ACAP2: variants seen among roughly 807,000 people sequenced by gnomAD.
ACAP2 encodes arf-GAP with coiled-coil, ANK repeat and PH domain-containing protein 2.
ACAP2 carries 39 observed loss-of-function variants against 115.8 expected under a neutral mutation model. The observed-to-expected ratio is 0.34, with a 90% CI of 0.26 to 0.44. The LOEUF (loss-of-function observed/expected upper bound fraction) is 0.44, where lower values mean the gene tolerates loss of function less well. ACAP2 is among the 20% of genes least tolerant of loss of function. The pLI, the probability that ACAP2 is intolerant of heterozygous loss-of-function variation, is 1.00. For synonymous variants in ACAP2, 289 were observed against 315.8 expected (o/e 0.92, Z 0.90); for missense variants, 662 against 927.6 (o/e 0.71, Z 3.72).
chr3:195,399,160 G>GA (rs1407337634), intron 1 of ACAP2, among the ~76,000 whole-genome samples: 1 of 151,726 alleles, frequency 6.6e-6, no homozygotes, highest in Non-Finnish European at 1.5e-5. Flanking sequence ...GTTAAGGGAG[G>GA]AAAAAAATGT....
At chr3:195,303,371 C>T (rs113630603) in intron 13 of ACAP2, among the ~76,000 whole-genome samples, 3,267 of 149,804 alleles carry the variant, frequency 0.022, 115 homozygotes, top group East Asian at 0.11. Context: ...ATCATGCCAC[C>T]GCACTCCAGC....
intron 2 of ACAP2, among the ~76,000 whole-genome samples, chr3:195,384,761 A>G (rs1734181103): frequency 6.6e-6 from 1 of 152,094 alleles, no homozygotes; most frequent in Non-Finnish European, 1.5e-5. Context: ...CGCAAGAGAA[A>G]CTAGTTCAGT....
rs544321355 is a variant in ACAP2 at position 195,364,104 on chromosome 3, G to T, written c.285+16905C>A. ...CAACCAAGGCAAAAGTGGACAAATGGAATCACATCAAGTTAAAAACCTTCT... is the reference window on the plus strand; with the variant it reads ...CAACCAAGGCAAAAGTGGACAAATGTAATCACATCAAGTTAAAAACCTTCT... On this transcript the variant is annotated intron_variant, in intron 4 of 22. Coordinates refer to ENST00000326793, the MANE Select transcript of ACAP2 (RefSeq NM_012287.6). 3.3e-5 allele frequency among the ~76,000 whole-genome samples: 5 copies of T among 152,178 alleles called. No homozygotes were observed. The South Asian group carries it at 1.0e-3, about 32-fold the overall frequency.
Position 195,376,498 on chromosome 3 carries a change from G to A in ACAP2, c.285+4511C>T, listed in dbSNP as rs186467872. On this transcript the variant is annotated intron_variant, in intron 4 of 22. Transcript: ENST00000326793. ...GTGGAAGTTGCAGTGAGCCAAGATC[G>A]CACCACTGCACTCCAGCCTGGGAGA... Among the ~76,000 whole-genome samples, 59 of 151,928 alleles carry A rather than the reference G, an allele frequency of 3.9e-4. No homozygotes were observed. In the Middle Eastern group the frequency reaches 0.017, roughly 44 times the overall value.
intron 13 of ACAP2, among the ~76,000 whole-genome samples, chr3:195,305,940 C>T (rs1374139468): frequency 6.6e-6 from 1 of 151,992 alleles, no homozygotes; most frequent in Admixed American, 6.6e-5. Flanking sequence ...TAACCATACT[C>T]CCAACAATTA....
rs1309318013 is a variant in ACAP2 at position 195,406,866 on chromosome 3, A to T, written c.54-14719T>A. 5.9e-5 allele frequency among the ~76,000 whole-genome samples: 9 copies of T among 152,222 alleles called. No homozygotes were observed. In the East Asian group the frequency reaches 1.5e-3, roughly 26 times the overall value. On this transcript the variant is annotated intron_variant, in intron 1 of 22. Coordinates refer to ENST00000326793, the MANE Select transcript of ACAP2 (RefSeq NM_012287.6). Reference sequence around the variant, plus strand: ...AACTAAGACACGCTACAAATTCAAAATATGTTGTGTCTGACAGAATTCAAG... The same window carrying T: ...AACTAAGACACGCTACAAATTCAAATTATGTTGTGTCTGACAGAATTCAAG...
At position 195,278,466 on chromosome 3, in the gene ACAP2, A is replaced by G. The variant is rs1726275065; in HGVS notation, c.*862T>C. 6.6e-6 allele frequency: 1 copy of G among 152,172 alleles called. No homozygotes were observed. Among genetic ancestry groups the G allele is most frequent in the Admixed American group, 6.5e-5 (1 of 15,276 alleles). 9.4% of individuals were successfully genotyped at this position (152,172 alleles called of 1,614,324 possible). A position where few individuals can be genotyped will look rare whatever the true frequency, so the allele number is the denominator to read the frequency against. On this transcript the variant is annotated 3_prime_UTR_variant, in exon 23 of 23. Transcript: ENST00000326793. ...ATGGCCTACATGATTTTATAAATTG[A>G]TTTTTCCTTTAAAGTTTTGATGAAG...
At chr3:195,379,500 A>G (rs1733805574) in intron 4 of ACAP2, among the ~76,000 whole-genome samples, 1 of 152,228 alleles carries the variant, frequency 6.6e-6, no homozygotes, top group African/African-American at 2.4e-5. Flanking sequence ...CCAATTAAAT[A>G]ACTGACAAAG....
rs572677553 is a variant in ACAP2, at chr3:195,419,130, GTTT to G, written c.53+23662_53+23664del. ...CCCATTTGAAGTGTACAATTCAATA[GTTT>G]TTAATATACTCAGAGTTGTGCACCC... On this transcript the variant is annotated intron_variant, in intron 1 of 22. Transcript: ENST00000326793. Among the ~76,000 whole-genome samples the G allele has an allele frequency of 8.5e-5, 13 of 152,148 alleles. 1 individual carries two copies. The South Asian group carries it at 2.5e-3, about 29-fold the overall frequency.
intron 6 of ACAP2, 31 bp from the exon 7 acceptor site, chr3:195,337,007 A>G: frequency 6.3e-7 from 1 of 1,590,692 alleles, no homozygotes; most frequent in Non-Finnish European, 8.6e-7. Flanking sequence ...TTAATCACCC[A>G]TGCATTATTT....
At chr3:195,317,374 C>A (rs1003267179) in intron 10 of ACAP2, among the ~76,000 whole-genome samples, 1 of 152,146 alleles carries the variant, frequency 6.6e-6, no homozygotes, top group African/African-American at 2.4e-5. Flanking sequence ...AAACAACCTT[C>A]ATCATTAAAT....
chr3:195,402,031 A>G (rs1406625858), intron 1 of ACAP2, among the ~76,000 whole-genome samples: 2 of 152,148 alleles, frequency 1.3e-5, no homozygotes, highest in East Asian at 3.8e-4. Flanking sequence ...GCACCCCACC[A>G]CCACCATTTC....
At chr3:195,442,766 C>T in intron 1 of ACAP2, 29 bp downstream of exon 1, 1 of 1,527,516 alleles carries the variant, frequency 6.5e-7, no homozygotes, top group Non-Finnish European at 8.8e-7. Context: ...GGCAGCTCCG[C>T]GGTGACGCCG....
chr3:195,382,123 T>C (rs1174421337), intron 2 of ACAP2, 101 bp from the exon 3 acceptor site: 3 of 1,049,856 alleles, frequency 2.9e-6, no homozygotes, highest in Non-Finnish European at 4.1e-6. Flanking sequence ...CTAGTTAAGT[T>C]CAATTTGTTT....
chr3:195,293,604 G>A (rs564700830), intron 18 of ACAP2, among the ~76,000 whole-genome samples: 38 of 152,352 alleles, frequency 2.5e-4, no homozygotes, highest in African/African-American at 9.1e-4. Context: ...CACTTTCGGA[G>A]GCTGAGAGAG....
chr3:195,356,258 A>AGCCAAT (rs1317263930), intron 4 of ACAP2: 1 of 452,176 alleles, frequency 2.2e-6, no homozygotes, highest in Admixed American at 2.4e-5. Flanking sequence ...GGCAGAACTC[A>AGCCAAT]GCCAATGCCA....
At chr3:195,377,084 T>C (rs1041083269) in intron 4 of ACAP2, among the ~76,000 whole-genome samples, 4 of 149,912 alleles carry the variant, frequency 2.7e-5, no homozygotes, top group African/African-American at 7.4e-5. Context: ...AAATTTTTAA[T>C]AATGGAAAGT....
intron 1 of ACAP2, among the ~76,000 whole-genome samples, chr3:195,429,041 A>G (rs1714905881): frequency 6.6e-6 from 1 of 152,224 alleles, no homozygotes. Context: ...CATCAGGAGA[A>G]TGAATACATT....
chr3:195,282,715 C>T (rs1410139859), intron 22 of ACAP2: 1 of 152,204 alleles, frequency 6.6e-6, no homozygotes, highest in African/African-American at 2.4e-5. Flanking sequence ...CAACTCATCA[C>T]TCAACATTTA....
Sources: gnomAD v4.1 joint callset for allele counts (sites outside exome capture counted in the v4.1 genomes callset) on GRCh38, gnomAD v4.1.1 for gene constraint, MANE v1.5 for transcripts, NCBI Gene and HGNC (gene_info 2026-07-23, HGNC 2026-07-21) for gene names.